The following UHRF1 variants were observed in gnomAD, a reference collection of about 807,000 sequenced individuals.
The protein encoded by UHRF1 is E3 ubiquitin-protein ligase UHRF1.
UHRF1 carries 9 observed loss-of-function variants against 96.5 expected under a neutral mutation model. The observed-to-expected ratio is 0.09, with a 90% CI of 0.06 to 0.16. The LOEUF (loss-of-function observed/expected upper bound fraction) is 0.16. Among genes scored for constraint, UHRF1 ranks in the 10% least tolerant of loss-of-function variants. The pLI, the probability that UHRF1 is intolerant of heterozygous loss-of-function variation, is 1.00. For missense variants in UHRF1, 626 were observed against 1,131.1 expected, an observed-to-expected ratio of 0.55 and a Z score of 6.40; for synonymous variants, 455 against 469.9, an observed-to-expected ratio of 0.97 and a Z score of 0.41.
chr19:4,949,235 A>G (rs2033653608), intron 11 of UHRF1, among the ~76,000 whole-genome samples: 1 of 152,186 alleles, frequency 6.6e-6, no homozygotes, highest in Admixed American at 6.6e-5. Context: ...AAGTTGGCCA[A>G]AAATTCTAAA....
chr19:4,913,166 T>G (rs1267227733), intron 2 of UHRF1, among the ~76,000 whole-genome samples: 1 of 151,986 alleles, frequency 6.6e-6, no homozygotes, highest in Non-Finnish European at 1.5e-5. Flanking sequence ...ACATAATACT[T>G]GAGTCATACA....
rs1171655897 is a variant in UHRF1, at chr19:4,941,080, G to GTTTTTTTTT, written c.786-444_786-443insTTTTTTTTT. Among the ~76,000 whole-genome samples, 41 of 112,842 alleles carry GTTTTTTTTT rather than the reference G, an allele frequency of 3.6e-4. 1 individual carries two copies. Among genetic ancestry groups the GTTTTTTTTT allele is most frequent in the African/African-American group, 1.2e-3 (32 of 26,660 alleles). 74.0% of individuals were successfully genotyped at this position (112,842 alleles called of 152,430 possible). A position where few individuals can be genotyped will look rare whatever the true frequency, so the allele number is the denominator to read the frequency against. On this transcript the variant is annotated intron_variant, in intron 5 of 16. Coordinates refer to ENST00000650932, the MANE Select transcript of UHRF1 (RefSeq NM_001048201.3). ...CCTGCAATGAAACTCTGGTTTCTGT[G>GTTTTTTTTT]TTTTGTTTTTTTTTTTTTTTTTTTT... is the stretch of plus-strand genomic sequence containing the variant.
chr19:4,910,954 C>A lies in UHRF1; in HGVS notation c.69C>A (p.Thr23=), dbSNP rs1225102849. 2 of 1,613,632 alleles carry A rather than the reference C, an allele frequency of 1.2e-6. No homozygotes were observed. The highest frequency in any genetic ancestry group is 1.7e-6 in the Non-Finnish European group (2 of 1,179,682). ...THTVDSLSRL[T]KVEELRRKIQ... ...CGGTGGACTCGCTGTCCAGGCTGAC[C>A]AAGGTGGAGGAGCTGAGGCGGAAGA... The change falls in exon 2 of 17, where the codon ACC becomes ACA. Residue 23 remains threonine (T), a synonymous_variant. Coordinates refer to ENST00000650932, the MANE Select transcript of UHRF1 (RefSeq NM_001048201.3).
chr19:4,944,995 C>G (rs993988072), intron 9 of UHRF1, among the ~76,000 whole-genome samples: 1 of 152,194 alleles, frequency 6.6e-6, no homozygotes. Context: ...ATGAGTGTCC[C>G]CTTGGAGGCA....
In UHRF1 at chr19:4,961,421, G is replaced by T. The variant is rs1281524866; in HGVS notation, c.*618G>T. The T allele has an allele frequency of 2.0e-5, 3 of 151,564 alleles. No homozygotes were observed. The highest frequency in any genetic ancestry group is 1.3e-4 in the Admixed American group (2 of 15,158). 9.4% of individuals were successfully genotyped at this position (151,564 alleles called of 1,614,324 possible). ...AGACTGCTTAGCGTCTGAGATCCGC[G>T]TGAAAAGTCCTCTGCCCACGAGAGC... is the stretch of plus-strand genomic sequence containing the variant. On this transcript the variant is annotated 3_prime_UTR_variant, in exon 17 of 17. Transcript: ENST00000650932.
intron 2 of UHRF1, among the ~76,000 whole-genome samples, chr19:4,915,961 C>T (rs1453204970): frequency 6.6e-6 from 1 of 152,132 alleles, no homozygotes; most frequent in Non-Finnish European, 1.5e-5. Flanking sequence ...CCAGAATGAT[C>T]CAATAGCCCC....
chr19:4,908,804 T>C (rs2032132553), upstream of UHRF1, among the ~76,000 whole-genome samples: 2 of 152,194 alleles, frequency 1.3e-5, no homozygotes, highest in South Asian at 4.1e-4. Context: ...GGGTCTGCCA[T>C]GTACACCGCT....
chr19:4,923,543 C>T (rs890627137), intron 2 of UHRF1, among the ~76,000 whole-genome samples: 1 of 151,206 alleles, frequency 6.6e-6, no homozygotes, highest in Non-Finnish European at 1.5e-5. Context: ...GTGCCCCTCT[C>T]CCGCTGGCTG....
intron 2 of UHRF1, among the ~76,000 whole-genome samples, chr19:4,924,643 A>G (rs1163482424): frequency 1.3e-5 from 2 of 152,030 alleles, no homozygotes; most frequent in African/African-American, 2.4e-5. Context: ...TCACAGCAAA[A>G]TTGAGCAGAA....
upstream of UHRF1, among the ~76,000 whole-genome samples, chr19:4,906,689 G>T (rs1224995476): frequency 1.3e-5 from 2 of 152,154 alleles, no homozygotes; most frequent in African/African-American, 2.4e-5. Flanking sequence ...GGAGGTGGAG[G>T]TTGCGGAGAG....
At chr19:4,952,585 G>A (rs1457755380) in intron 13 of UHRF1, among the ~76,000 whole-genome samples, 2 of 150,880 alleles carry the variant, frequency 1.3e-5, no homozygotes, top group African/African-American at 2.4e-5. Context: ...TAGAGACGGG[G>A]TTTCGCCATG....
At chr19:4,935,489 A>G (rs59103804) in intron 5 of UHRF1, among the ~76,000 whole-genome samples, 3,974 of 151,902 alleles carry the variant, frequency 0.026, 186 homozygotes, top group African/African-American at 0.09. Flanking sequence ...ACCCCTTCCA[A>G]GCTCTTGTGG....
intron 16 of UHRF1, among the ~76,000 whole-genome samples, chr19:4,958,874 A>G (rs1380850440): frequency 1.3e-5 from 2 of 151,608 alleles, no homozygotes; most frequent in African/African-American, 4.9e-5. Context: ...AGGTGGTAGA[A>G]TCGCTTGAAC....
At chr19:4,936,688 T>C (rs1333996776) in intron 5 of UHRF1, among the ~76,000 whole-genome samples, 1 of 151,918 alleles carries the variant, frequency 6.6e-6, no homozygotes, top group Non-Finnish European at 1.5e-5. Context: ...AGGCCTGTTG[T>C]CCCAGCACTT....
intron 2 of UHRF1, among the ~76,000 whole-genome samples, chr19:4,918,217 T>G (rs1228938769): frequency 1.3e-5 from 2 of 152,022 alleles, no homozygotes; most frequent in African/African-American, 4.8e-5. Flanking sequence ...CCTCCCAGGT[T>G]CAAGTGATTC....
rs1482255782 is a variant in UHRF1, at chr19:4,930,827, T to C, written c.520T>C (p.Ser174Pro). 1 of 1,613,934 alleles carries C rather than the reference T, an allele frequency of 6.2e-7. No individual in the cohort carries two copies. The highest frequency in any genetic ancestry group is 1.7e-5 in the Admixed American group (1 of 60,022). ...CCGGGACGAGCCCTGCAGCTCCACG[T>C]CCAGGCCGGCGCTGGAGGAGGACGT... ...PSRDEPCSST[S>P]RPALEEDVIY... is the part of the protein sequence containing the mutation. The change falls in exon 4 of 17, where the codon TCC (serine) becomes CCC (proline). Residue 174 changes from serine (S) to proline (P), a missense_variant. By Grantham distance (74) the Ser-to-Pro change is moderately conservative. Around this residue, in one of 11 missense-constraint regions of UHRF1, gnomAD observed 198 missense variants for 235.1 expected, o/e 0.84. Coordinates refer to ENST00000650932, the MANE Select transcript of UHRF1 (RefSeq NM_001048201.3). This position sits in a 1 kb window ranked among gnomAD's most constrained non-coding sequence, Gnocchi z 4.4.
chr19:4,950,798 G>T (rs756171405), intron 12 of UHRF1, 25 bp downstream of exon 12: 3 of 1,613,820 alleles, frequency 1.9e-6, no homozygotes, highest in Non-Finnish European at 1.7e-6. Flanking sequence ...AGGAGGCCGG[G>T]GGCTCTGTCC....
intron 5 of UHRF1, among the ~76,000 whole-genome samples, chr19:4,933,407 G>A (rs1453299938): frequency 6.6e-6 from 1 of 152,076 alleles, no homozygotes; most frequent in African/African-American, 2.4e-5. Flanking sequence ...TAGTAGAGAC[G>A]GGGTTTCACC....
intron 5 of UHRF1, among the ~76,000 whole-genome samples, chr19:4,939,856 C>G (rs548930232): frequency 7.9e-5 from 12 of 152,186 alleles, no homozygotes; most frequent in African/African-American, 2.6e-4. Context: ...AACCCCGTCT[C>G]TACTAAAAAT....
Sources: allele counts gnomAD v4.1 joint callset (sites outside exome capture counted in the v4.1 genomes callset), GRCh38; gene constraint gnomAD v4.1.1; regional missense constraint gnomAD v4.1.1; non-coding constraint Gnocchi (gnomAD v3.1); transcripts MANE v1.5; gene names NCBI Gene and HGNC (gene_info 2026-07-23, HGNC 2026-07-21).